The following ARL8B variants were observed in gnomAD, a reference collection of about 807,000 sequenced individuals.
The protein encoded by ARL8B is ADP-ribosylation factor-like protein 8B.
ARL8B carries 9 observed loss-of-function variants against 30.6 expected under a neutral mutation model. That is an observed-to-expected ratio of 0.29 (90% CI 0.18 to 0.51). The LOEUF is 0.51. Ranked by LOEUF, ARL8B falls within the 20% of genes least tolerant of loss-of-function variation. ARL8B has a pLI of 0.97. For missense variants in ARL8B, 130 were observed against 227.2 expected, an observed-to-expected ratio of 0.57 and a Z score of 2.75; for synonymous variants, 74 against 76.0, an observed-to-expected ratio of 0.97 and a Z score of 0.14.
intron 1 of ARL8B, among the ~76,000 whole-genome samples, chr3:5,132,034 C>T (rs1291542676): frequency 1.3e-5 from 2 of 152,098 alleles, no homozygotes; most frequent in Admixed American, 1.3e-4. Context: ...AGGCATGTGC[C>T]GTCATGCCCA....
chr3:5,137,459 A>T lies in ARL8B; in HGVS notation c.123+14871A>T, dbSNP rs111599973. Reference sequence around the variant, plus strand: ...TCTCTTTTTTTTTTTTTTTTTTGAGATGGAGTCTCACTCTATCACCCAGGC... The same window carrying T: ...TCTCTTTTTTTTTTTTTTTTTTGAGTTGGAGTCTCACTCTATCACCCAGGC... On this transcript the variant is annotated intron_variant, in intron 1 of 6. Transcript: ENST00000256496. Among the ~76,000 whole-genome samples the T allele has an allele frequency of 3.6e-3, 480 of 132,718 alleles. 2 individuals carry two copies. Among genetic ancestry groups the T allele is most frequent in the Non-Finnish European group, 6.2e-3 (392 of 63,600 alleles). 87.1% of individuals were successfully genotyped at this position (132,718 alleles called of 152,430 possible).
Position 5,178,686 on chromosome 3 carries a change from T to G in ARL8B, c.534T>G (p.Ile178Met). The change falls in exon 7 of 7, where the codon ATT (isoleucine) becomes ATG (methionine). Residue 178 changes from isoleucine (I) to methionine (M), a missense_variant. Ile to Met is a conservative substitution (Grantham distance 10). Transcript: ENST00000256496. ...TAGATATCACACTTCAGTGGCTTAT[T>G]CAGCATTCAAAATCTAGAAGAAGCT... Reference protein sequence around the residue: ...DNIDITLQWLIQHSKSRRS With the variant: ...DNIDITLQWLMQHSKSRRS 13 of 1,612,658 alleles carry G rather than the reference T, an allele frequency of 8.1e-6. No homozygotes were observed. The highest frequency in any genetic ancestry group is 1.1e-5 in the Non-Finnish European group (13 of 1,179,256).
chr3:5,132,064 T>G (rs983108016), intron 1 of ARL8B, among the ~76,000 whole-genome samples: 6 of 152,108 alleles, frequency 3.9e-5, no homozygotes, highest in Middle Eastern at 3.2e-3. Context: ...AAAAATTTGT[T>G]TTTTTGTAGA....
chr3:5,178,350 C>CTTTT (rs376669879), intron 6 of ARL8B, among the ~76,000 whole-genome samples: 44 of 115,280 alleles, frequency 3.8e-4, no homozygotes, highest in African/African-American at 1.2e-3. Context: ...GGGGTTATTC[C>CTTTT]TTTTTTTTTT....
intron 1 of ARL8B, among the ~76,000 whole-genome samples, chr3:5,143,945 T>C (rs369546191): frequency 6.6e-6 from 1 of 152,016 alleles, no homozygotes; most frequent in Non-Finnish European, 1.5e-5. Context: ...TTCTGAGGAG[T>C]GCTATTGGGA....
At position 5,122,420 on chromosome 3, in the gene ARL8B, C is replaced by T. The variant is rs894865432; in HGVS notation, c.-46C>T. On this transcript the variant is annotated 5_prime_UTR_variant, in exon 1 of 7. Coordinates refer to ENST00000256496, the MANE Select transcript of ARL8B (RefSeq NM_018184.3). ...CCGCTCGTGTGGAAGTCGTCGACGC[C>T]GCCGCTCGTCCGTCCTCCCGTCCGT... 1.2e-6 allele frequency: 2 copies of T among 1,609,396 alleles called. No individual in the cohort carries two copies. The highest frequency in any genetic ancestry group is 1.7e-6 in the Non-Finnish European group (2 of 1,178,708).
chr3:5,154,158 G>T (rs1481093837), intron 1 of ARL8B, among the ~76,000 whole-genome samples: 1 of 151,586 alleles, frequency 6.6e-6, no homozygotes, highest in Admixed American at 6.6e-5. Flanking sequence ...CTGTAATTTT[G>T]TCTTTGGAAA....
chr3:5,152,333 C>T (rs2054492246), intron 1 of ARL8B, among the ~76,000 whole-genome samples: 1 of 152,160 alleles, frequency 6.6e-6, no homozygotes, highest in Admixed American at 6.5e-5. Flanking sequence ...TAATGTCCCT[C>T]TTTATCCTTG....
chr3:5,172,402 C>A (rs1034048276), intron 3 of ARL8B, among the ~76,000 whole-genome samples, 179 bp downstream of exon 3: 1 of 152,022 alleles, frequency 6.6e-6, no homozygotes, highest in African/African-American at 2.4e-5. Flanking sequence ...AGAATAAGAT[C>A]TTTATGTTTT....
At chr3:5,169,979 A>T (rs1453791226) in intron 1 of ARL8B, among the ~76,000 whole-genome samples, 5 of 150,486 alleles carry the variant, frequency 3.3e-5, no homozygotes, top group Admixed American at 3.3e-4. Context: ...AGGCCATAGC[A>T]GACAATACTC....
chr3:5,152,304 A>C (rs2054491926), intron 1 of ARL8B, among the ~76,000 whole-genome samples: 2 of 152,062 alleles, frequency 1.3e-5, no homozygotes, highest in South Asian at 4.1e-4. Flanking sequence ...CTTCTTGGTG[A>C]ATTCATCCTT....
chr3:5,154,034 C>T (rs1441577703), intron 1 of ARL8B, among the ~76,000 whole-genome samples: 1 of 151,576 alleles, frequency 6.6e-6, no homozygotes, highest in Non-Finnish European at 1.5e-5. Flanking sequence ...CATCATTTCT[C>T]TTTGGCTGCT....
At chr3:5,145,507 A>T (rs1331175998) in intron 1 of ARL8B, among the ~76,000 whole-genome samples, 1 of 152,030 alleles carries the variant, frequency 6.6e-6, no homozygotes, top group East Asian at 1.9e-4. Context: ...AAGCTTGGAG[A>T]CAAAAGCAAT....
At chr3:5,133,344 A>G (rs1377443986) in intron 1 of ARL8B, among the ~76,000 whole-genome samples, 1 of 152,222 alleles carries the variant, frequency 6.6e-6, no homozygotes, top group Non-Finnish European at 1.5e-5. Flanking sequence ...TAGCAGCAAT[A>G]TAGAGACCAT....
chr3:5,178,792 A>G lies in ARL8B; in HGVS notation c.*79A>G. On this transcript the variant is annotated 3_prime_UTR_variant, in exon 7 of 7. Transcript: ENST00000256496. ...CCGTTCCTCTGAAGTAATTCCCAGA[A>G]TACGGTCCTTCCTAAACCCCAGAAA... The G allele has an allele frequency of 6.2e-7, 1 of 1,603,476 alleles. No individual in the cohort carries two copies.
intron 1 of ARL8B, among the ~76,000 whole-genome samples, chr3:5,125,550 T>G (rs2054223122): frequency 6.6e-6 from 1 of 151,618 alleles, no homozygotes; most frequent in Non-Finnish European, 1.5e-5. Context: ...TTTTTTTTTT[T>G]GAGACGGAGT....
intron 1 of ARL8B, among the ~76,000 whole-genome samples, chr3:5,158,063 C>T (rs1436958391): frequency 1.3e-5 from 2 of 152,050 alleles, no homozygotes; most frequent in African/African-American, 4.8e-5. Context: ...GCAGCCTCCG[C>T]CTCCTGGGTT....
chr3:5,122,651 C>A (rs2054191998), intron 1 of ARL8B, 63 bp downstream of exon 1: 4 of 1,540,412 alleles, frequency 2.6e-6, no homozygotes, highest in African/African-American at 1.4e-5. Flanking sequence ...CGGCGCTTCT[C>A]CAAGGCCTGA....
intron 6 of ARL8B, among the ~76,000 whole-genome samples, chr3:5,177,891 T>G (rs557487466): frequency 1.1e-4 from 17 of 152,390 alleles, no homozygotes; most frequent in African/African-American, 3.1e-4. Context: ...TCTTCAGTAG[T>G]TGGGTTAAAT....
Sources: allele counts gnomAD v4.1 joint callset (sites outside exome capture counted in the v4.1 genomes callset), GRCh38; gene constraint gnomAD v4.1.1; transcripts MANE v1.5; gene names NCBI Gene and HGNC (gene_info 2026-07-23, HGNC 2026-07-21).